Variants in RPGR observed in about 807,000 individuals in gnomAD.
RPGR encodes the protein retinitis pigmentosa GTPase regulator.
In RPGR, 10 loss-of-function variants were observed where a neutral mutation model predicts 56.3. That is an observed-to-expected ratio of 0.18 (90% CI 0.11 to 0.30). The LOEUF is 0.30. RPGR is among the 10% of genes least tolerant of loss of function. The pLI, the probability that RPGR is intolerant of heterozygous loss-of-function variation, is 1.00. For synonymous variants in RPGR, 197 were observed against 212.9 expected (o/e 0.93, Z 0.65); for missense variants, 538 against 590.9 (o/e 0.91, Z 0.93).
intron 11 of RPGR, among the ~76,000 whole-genome samples, chrX:38,294,591 G>T (rs1360498947): frequency 9.0e-6 from 1 of 111,433 alleles, no homozygotes; most frequent in African/African-American, 3.3e-5. Flanking sequence ...TAAACTTTAG[G>T]CTTGTGTTTC....
At chrX:38,321,165 G>GT in intron 3 of RPGR, 76 bp from the exon 4 acceptor site, 2 of 744,008 alleles carry the variant, frequency 2.7e-6, no homozygotes, top group Non-Finnish European at 2.1e-6. Context: ...TGGTAACTAA[G>GT]TGATAGAACC....
At chrX:38,306,935 A>AG (rs1196079069) in intron 7 of RPGR, among the ~76,000 whole-genome samples, 3 of 112,900 alleles carry the variant, frequency 2.7e-5, no homozygotes, top group African/African-American at 9.6e-5. Context: ...TTTTGGCCAT[A>AG]TCACCTTTGT....
At chrX:38,275,170 T>C in intron 16 of RPGR, 1 of 1,170,261 alleles carries the variant, frequency 8.5e-7, no homozygotes, top group Non-Finnish European at 1.2e-6. Context: ...CAAAGCAATA[T>C]AACAAAAAAT....
chrX:38,321,433 G>A (rs1290999361), intron 3 of RPGR, among the ~76,000 whole-genome samples: 1 of 111,338 alleles, frequency 9.0e-6, no homozygotes, highest in Non-Finnish European at 1.9e-5. Flanking sequence ...CAGGCAGATG[G>A]CTTGAGCTCA....
intron 15 of RPGR, chrX:38,284,662 G>A (rs2067096446): frequency 1.4e-6 from 1 of 718,709 alleles, no homozygotes; most frequent in Non-Finnish European, 1.6e-6. Context: ...ATTTTAAAGT[G>A]TAATTTTTCT....
In RPGR at chrX:38,314,774, C is replaced by A. The variant is rs145682225; in HGVS notation, c.619+2542G>T. On this transcript the variant is annotated intron_variant, in intron 6 of 18. Coordinates refer to ENST00000642395, the MANE Select transcript of RPGR (RefSeq NM_000328.3). The stretch of plus-strand genomic sequence containing the variant: ...TTAAACATATTAGTAGGTGAAAAAT[C>A]TGTAGGAAGTCTTAAACATAACTAT... Among the ~76,000 whole-genome samples, 703 of 111,722 alleles carry A rather than the reference C, an allele frequency of 6.3e-3. 6 individuals carry two copies. Among genetic ancestry groups the A allele is most frequent in the Middle Eastern group, 0.028 (6 of 214 alleles).
At chrX:38,305,228 A>G (rs1342688561) in intron 7 of RPGR, among the ~76,000 whole-genome samples, 2 of 111,263 alleles carry the variant, frequency 1.8e-5, no homozygotes, top group Non-Finnish European at 3.8e-5. Context: ...GGCCTGGCCA[A>G]CATGGTGAAA....
In RPGR at chrX:38,276,710, A is replaced by C. The variant is rs1007967007; in HGVS notation, c.1968T>G (p.Ala656=). 68 of 1,208,631 alleles carry C rather than the reference A, an allele frequency of 5.6e-5. No homozygotes were observed. Among genetic ancestry groups the C allele is most frequent in the Middle Eastern group, 2.3e-4 (1 of 4,376 alleles). ...TTTTCTTCTTGCTTTCCACATTTTC[A>C]GCATTAATTTCCTCATCCACATCTT... Residue 656 remains alanine (A), a synonymous_variant, in exon 16 of 19, where the codon GCT becomes GCG. Coordinates refer to ENST00000642395, the MANE Select transcript of RPGR (RefSeq NM_000328.3).
Position 38,321,670 on chromosome X carries a change from A to C in RPGR, c.248-581T>G, listed in dbSNP as rs756035120. 3.7e-5 allele frequency among the ~76,000 whole-genome samples: 4 copies of C among 109,391 alleles called. No homozygotes were observed. The Admixed American group carries it at 3.9e-4, about 11-fold the overall frequency. The allele number at this position is 109,391 out of a possible 115,157, so 95.0% of individuals were successfully genotyped here. ...GCAAGACCCTGTCTCAAAAAAAAAA[A>C]AACAACAACTTCACAGGTAATTAAT... On this transcript the variant is annotated intron_variant, in intron 3 of 18. Coordinates refer to ENST00000642395, the MANE Select transcript of RPGR (RefSeq NM_000328.3).
At chrX:38,299,463 A>G (rs1305666560) in intron 9 of RPGR, among the ~76,000 whole-genome samples, 1 of 112,220 alleles carries the variant, frequency 8.9e-6, no homozygotes, top group African/African-American at 3.2e-5. Context: ...TTACAGTTAG[A>G]AAATGTTGTA....
chrX:38,289,367 G>A (rs1216419608), intron 13 of RPGR, among the ~76,000 whole-genome samples: 1 of 111,937 alleles, frequency 8.9e-6, no homozygotes, highest in Non-Finnish European at 1.9e-5. Flanking sequence ...AGTGTAAAAT[G>A]TAAGATTTGT....
intron 7 of RPGR, 173 bp from the exon 8 acceptor site, chrX:38,304,963 G>C (rs1414655923): frequency 3.5e-5 from 16 of 460,411 alleles, no homozygotes; most frequent in Non-Finnish European, 1.1e-5. Flanking sequence ...AATGATGAAG[G>C]AAGAGAAAAA....
chrX:38,289,522 TG>T (rs2067247724), intron 13 of RPGR, among the ~76,000 whole-genome samples: 1 of 112,348 alleles, frequency 8.9e-6, no homozygotes, highest in Non-Finnish European at 1.9e-5. Context: ...CTAATGAATT[TG>T]GGTCTCTGGA....
intron 15 of RPGR, among the ~76,000 whole-genome samples, chrX:38,283,260 T>C (rs749417915): frequency 8.9e-6 from 1 of 111,838 alleles, no homozygotes; most frequent in East Asian, 2.8e-4. Context: ...AGTTAGTGTG[T>C]GCTTAGTAGT....
chrX:38,269,435 T>C lies in RPGR; in HGVS notation c.*191A>G. 2.6e-6 allele frequency: 1 copy of C among 386,720 alleles called. No individual in the cohort carries two copies. Among genetic ancestry groups the C allele is most frequent in the South Asian group, 5.2e-5 (1 of 19,099 alleles). The allele number at this position is 386,720 out of a possible 1,213,427, so 31.9% of individuals were successfully genotyped here. A position where few individuals can be genotyped will look rare whatever the true frequency, so the allele number is the denominator to read the frequency against. On this transcript the variant is annotated 3_prime_UTR_variant, in exon 19 of 19. Transcript: ENST00000642395. ...TAGGGAGAATTTGAGATACACATAT[T>C]TTGAAATGACTTGTTAAAAATATTA... is the stretch of plus-strand genomic sequence containing the variant.
At chrX:38,323,792 G>T (rs1449356772) in intron 1 of RPGR, among the ~76,000 whole-genome samples, 3 of 112,037 alleles carry the variant, frequency 2.7e-5, no homozygotes, top group Non-Finnish European at 5.6e-5. Context: ...CACAAGGAAG[G>T]CAGTCATCTA....
chrX:38,280,368 T>C (rs897191939), intron 15 of RPGR, among the ~76,000 whole-genome samples: 1 of 110,842 alleles, frequency 9.0e-6, no homozygotes, highest in Non-Finnish European at 1.9e-5. Context: ...CCACTTATTT[T>C]TGTGTCCTCT....
chrX:38,274,616 A>G (rs185047718), intron 17 of RPGR, among the ~76,000 whole-genome samples: 11,754 of 110,935 alleles, frequency 0.11, 670 homozygotes, highest in East Asian at 0.39. Flanking sequence ...GGAGTTTGAG[A>G]CTCGCCTGGA....
intron 17 of RPGR, chrX:38,275,079 G>C: frequency 8.4e-7 from 1 of 1,197,464 alleles, no homozygotes; most frequent in Non-Finnish European, 1.1e-6. Context: ...GTTATCAAAT[G>C]TGCTCATACC....
Sources: gnomAD v4.1 joint callset for allele counts (sites outside exome capture counted in the v4.1 genomes callset) on GRCh38, gnomAD v4.1.1 for gene constraint, MANE v1.5 for transcripts, NCBI Gene and HGNC (gene_info 2026-07-23, HGNC 2026-07-21) for gene names.